Variants in ABI3BP observed in about 807,000 individuals in gnomAD.
ABI3BP encodes ABI family member 3 binding protein.
In ABI3BP, 216 loss-of-function variants were observed where a neutral mutation model predicts 268.6. The observed-to-expected ratio is 0.80, with a 90% CI of 0.72 to 0.90. ABI3BP has a LOEUF of 0.90. Among genes scored for constraint, ABI3BP ranks in the 40% least tolerant of loss-of-function variants. ABI3BP has a pLI of 0.00. For missense variants in ABI3BP, 2,090 were observed against 2,182.4 expected (o/e 0.96, Z 0.84); for synonymous variants, 730 against 730.0 (o/e 1.00, Z 0.00).
chr3:100,774,309 TC>T (rs2096639180), intron 61 of ABI3BP, among the ~76,000 whole-genome samples: 2 of 152,114 alleles, frequency 1.3e-5, no homozygotes, highest in African/African-American at 4.8e-5. Context: ...GAAAATGGCT[TC>T]CCCTGGGTCA....
At chr3:100,958,614 A>C (rs951943895) in intron 1 of ABI3BP, among the ~76,000 whole-genome samples, 3 of 45,742 alleles carry the variant, frequency 6.6e-5, no homozygotes, top group Non-Finnish European at 1.3e-4. Flanking sequence ...GACAAGCAAG[A>C]AAGAAAACAA....
At chr3:100,905,467 A>G (rs2052934862) in intron 2 of ABI3BP, among the ~76,000 whole-genome samples, 1 of 152,174 alleles carries the variant, frequency 6.6e-6, no homozygotes, top group South Asian at 2.1e-4. Context: ...TTTCTTACTC[A>G]TGTATTAGCC....
At chr3:100,969,354 C>T (rs1446947903) in intron 1 of ABI3BP, among the ~76,000 whole-genome samples, 6 of 152,124 alleles carry the variant, frequency 3.9e-5, no homozygotes, top group Non-Finnish European at 7.4e-5. Context: ...AGTGGCATTG[C>T]CAGAATTAGA....
intron 21 of ABI3BP, 95 bp downstream of exon 21, chr3:100,841,901 GAA>G (rs66923918): frequency 0.015 from 12,083 of 811,130 alleles, no homozygotes; most frequent in South Asian, 0.023. Flanking sequence ...ATCTGGAGAA[GAA>G]AAAAAAAAAA....
At chr3:100,840,926 C>G in intron 21 of ABI3BP, 68 bp from the exon 22 acceptor site, 3 of 1,265,812 alleles carry the variant, frequency 2.4e-6, no homozygotes, top group Non-Finnish European at 3.3e-6. Context: ...GTATTTAAAA[C>G]ATGGAATATG....
In ABI3BP at chr3:100,864,047, G is replaced by C. The variant is rs1300424069; in HGVS notation, c.1093C>G (p.Gln365Glu). ...VLSKRTPETL[Q>E]TILIPQFELP... ...TCAAACTGAGGTATTAGAATAGTTT[G>C]CAATGTTTCCGGGGTCCTTTTGCTG... Residue 365 changes from glutamine (Q) to glutamate (E), a missense_variant, in exon 12 of 68, where the codon CAA becomes GAA. Physicochemically the swap from Gln to Glu is conservative, Grantham distance 29 (BLOSUM62 2). Coordinates refer to ENST00000471714, the MANE Select transcript of ABI3BP (RefSeq NM_001375547.2). The C allele has an allele frequency of 5.2e-6, 8 of 1,536,042 alleles. No homozygotes were observed. The highest frequency in any genetic ancestry group is 6.1e-6 in the Non-Finnish European group (7 of 1,146,764).
In ABI3BP at chr3:100,749,549, C is replaced by CAGAT; in HGVS notation, c.*942_*945dup. 1 of 366,174 alleles carries CAGAT rather than the reference C, an allele frequency of 2.7e-6. No individual in the cohort carries two copies. Among genetic ancestry groups the CAGAT allele is most frequent in the Non-Finnish European group, 4.8e-6 (1 of 208,252 alleles). 22.7% of individuals were successfully genotyped at this position (366,174 alleles called of 1,614,324 possible). On this transcript the variant is annotated 3_prime_UTR_variant, in exon 68 of 68. Coordinates refer to ENST00000471714, the MANE Select transcript of ABI3BP (RefSeq NM_001375547.2). ...GAGTTAGTTAGTTAGATTTTTATTACAGATTGAATTAAACAGTTACAAAGA... is the reference window on the plus strand; with the variant it reads ...GAGTTAGTTAGTTAGATTTTTATTACAGATAGATTGAATTAAACAGTTACAAAGA...
chr3:100,839,732 T>C lies in ABI3BP; in HGVS notation c.1898-116A>G, dbSNP rs1362738137. ...AATGATGCATTTTTTCTGAATGTGA[T>C]TTTCCCTTTTACAGTTCCCATTTTC... On this transcript the variant is annotated intron_variant, in intron 23 of 67. Transcript: ENST00000471714. 5.2e-6 allele frequency: 6 copies of C among 1,159,412 alleles called. No homozygotes were observed. In the East Asian group the frequency reaches 1.0e-4, roughly 20 times the overall value. 71.8% of individuals were successfully genotyped at this position (1,159,412 alleles called of 1,614,324 possible).
intron 7 of ABI3BP, 71 bp downstream of exon 7, chr3:100,876,441 C>A (rs575615426): frequency 6.1e-6 from 8 of 1,305,954 alleles, no homozygotes; most frequent in South Asian, 1.3e-5. Flanking sequence ...AAATATGTGC[C>A]GTGTTTGATT....
At chr3:100,933,705 A>AG (rs2064699139) in intron 1 of ABI3BP, among the ~76,000 whole-genome samples, 1 of 151,844 alleles carries the variant, frequency 6.6e-6, no homozygotes, top group Admixed American at 6.6e-5. Context: ...ATAAAAAGAA[A>AG]GAAAAAACAT....
At chr3:100,820,082 A>G in intron 40 of ABI3BP, 138 bp downstream of exon 40, 1 of 705,732 alleles carries the variant, frequency 1.4e-6, no homozygotes, top group South Asian at 2.0e-5. Context: ...TGCTAACTCA[A>G]CAGGGGGAGC....
intron 6 of ABI3BP, among the ~76,000 whole-genome samples, chr3:100,884,995 G>T (rs973938290): frequency 6.7e-6 from 1 of 149,368 alleles, no homozygotes; most frequent in Non-Finnish European, 1.5e-5. Context: ...ATGAGAAACC[G>T]AGTGGCTGAA....
At chr3:100,816,317 T>C (rs1476020728) in intron 43 of ABI3BP, 4 of 444,048 alleles carry the variant, frequency 9.0e-6, no homozygotes, top group Non-Finnish European at 1.6e-5. Context: ...AGTAACTTGT[T>C]GCTTTTCTTG....
intron 35 of ABI3BP, among the ~76,000 whole-genome samples, chr3:100,825,485 A>G (rs1579195437): frequency 6.6e-6 from 1 of 152,190 alleles, no homozygotes; most frequent in African/African-American, 2.4e-5. Flanking sequence ...TTTAAACTCA[A>G]TGTTAATATA....
intron 10 of ABI3BP, 32 bp downstream of exon 10, chr3:100,866,847 T>C: frequency 6.3e-7 from 1 of 1,587,232 alleles, no homozygotes; most frequent in Non-Finnish European, 8.6e-7. Flanking sequence ...TTTTTTCTTT[T>C]CTCAAGGTCA....
intron 51 of ABI3BP, among the ~76,000 whole-genome samples, chr3:100,798,727 A>T (rs930978974): frequency 2.6e-5 from 3 of 113,790 alleles, no homozygotes; most frequent in Non-Finnish European, 4.6e-5. Context: ...ATGTTTTGAT[A>T]GAGTTAGAAA....
intron 63 of ABI3BP, among the ~76,000 whole-genome samples, chr3:100,764,423 G>A (rs956040616): frequency 6.6e-6 from 1 of 152,198 alleles, no homozygotes; most frequent in African/African-American, 2.4e-5. Flanking sequence ...AATGTTTGCT[G>A]AATGGAAATG....
At chr3:100,872,592 GCTC>G (rs1470991370) in intron 9 of ABI3BP, among the ~76,000 whole-genome samples, 1 of 152,130 alleles carries the variant, frequency 6.6e-6, no homozygotes, top group Admixed American at 6.6e-5. Flanking sequence ...AGATTGGCCA[GCTC>G]CTTTTTTTCC....
chr3:100,753,810 G>GAGGCAT lies in ABI3BP; in HGVS notation c.4960+8_4960+9insATGCCT. ...CATGTAGTTGTGCCTCATTGAGACA[G>GAGGCAT]GTACTTACCAGAAACTGGCTCACTC... On this transcript the variant is annotated intron_variant, in intron 65 of 67. Coordinates refer to ENST00000471714, the MANE Select transcript of ABI3BP (RefSeq NM_001375547.2). 1 of 1,610,908 alleles carries GAGGCAT rather than the reference G, an allele frequency of 6.2e-7. No individual in the cohort carries two copies. Among genetic ancestry groups the GAGGCAT allele is most frequent in the Non-Finnish European group, 8.5e-7 (1 of 1,178,700 alleles).
Sources: allele counts gnomAD v4.1 joint callset (sites outside exome capture counted in the v4.1 genomes callset), GRCh38; gene constraint gnomAD v4.1.1; transcripts MANE v1.5; gene names NCBI Gene and HGNC (gene_info 2026-07-23, HGNC 2026-07-21).